Variants in CNTN6 observed in about 807,000 individuals in gnomAD.
The protein encoded by CNTN6 is contactin-6.
In CNTN6, 137 loss-of-function variants were observed where a neutral mutation model predicts 122.8. The observed-to-expected ratio is 1.12, with a 90% CI of 0.97 to 1.29. CNTN6 has a LOEUF of 1.29. Ranked by LOEUF, CNTN6 falls within the 50% of genes most tolerant of loss-of-function variation. The probability of loss-of-function intolerance (pLI) is 0.00; values close to 1 mark genes in which losing one functional copy is unlikely to be tolerated. For missense variants in CNTN6, 1,634 were observed against 1,223.4 expected, an observed-to-expected ratio of 1.34 and a Z score of -5.01; for synonymous variants, 570 against 426.0, an observed-to-expected ratio of 1.34 and a Z score of -4.16.
chr3:1,185,319 G>A (rs2093613267), intron 2 of CNTN6, among the ~76,000 whole-genome samples: 1 of 152,104 alleles, frequency 6.6e-6, no homozygotes, highest in South Asian at 2.1e-4. Flanking sequence ...TTCTTCCACA[G>A]TGAAATTGTT....
At chr3:1,263,050 T>A (rs935037742) in intron 4 of CNTN6, among the ~76,000 whole-genome samples, 1 of 152,138 alleles carries the variant, frequency 6.6e-6, no homozygotes, top group East Asian at 1.9e-4. Context: ...AAGTTACTTA[T>A]TTCATTTAAG....
chr3:1,106,744 C>G (rs2091242563), intron 1 of CNTN6, among the ~76,000 whole-genome samples: 1 of 152,068 alleles, frequency 6.6e-6, no homozygotes, highest in African/African-American at 2.4e-5. Flanking sequence ...TGAACTTTCC[C>G]TTTCACTTCA....
At chr3:1,285,866 A>G (rs896023810) in intron 5 of CNTN6, among the ~76,000 whole-genome samples, 4 of 152,206 alleles carry the variant, frequency 2.6e-5, no homozygotes, top group Admixed American at 2.0e-4. Flanking sequence ...ACTGGAGACT[A>G]TGTAAACAAC....
At chr3:1,276,440 G>T (rs1202785860) in intron 4 of CNTN6, among the ~76,000 whole-genome samples, 2 of 152,166 alleles carry the variant, frequency 1.3e-5, no homozygotes, top group Non-Finnish European at 2.9e-5. Context: ...TGTATTATTA[G>T]ATTATTTCCA....
intron 20 of CNTN6, among the ~76,000 whole-genome samples, chr3:1,391,257 A>G (rs1694099828): frequency 8.5e-6 from 1 of 117,376 alleles, no homozygotes; most frequent in African/African-American, 3.7e-5. Context: ...AATATACACA[A>G]ATCAATAAAT....
intron 5 of CNTN6, among the ~76,000 whole-genome samples, chr3:1,295,271 G>T (rs1300389954): frequency 6.6e-6 from 1 of 152,132 alleles, no homozygotes; most frequent in South Asian, 2.1e-4. Context: ...AAGGAATTCA[G>T]TGTACATTTG....
intron 7 of CNTN6, among the ~76,000 whole-genome samples, chr3:1,300,583 AAGAAAGAAAGAAAGAAAGAAAGAG>A (rs1217432322): frequency 2.2e-5 from 3 of 136,548 alleles, no homozygotes; most frequent in African/African-American, 1.0e-4. Flanking sequence ...GAAAGAAAGA[AAGAAAGAAAGAAAGAAAGAAAGAG>A]AGAAAGAAAG....
chr3:1,211,936 A>G (rs531296443), intron 2 of CNTN6, among the ~76,000 whole-genome samples: 1 of 152,188 alleles, frequency 6.6e-6, no homozygotes, highest in Non-Finnish European at 1.5e-5. Flanking sequence ...TCCACAGTTT[A>G]AGAGCTACTT....
At chr3:1,271,169 C>T (rs571772923) in intron 4 of CNTN6, among the ~76,000 whole-genome samples, 9 of 152,278 alleles carry the variant, frequency 5.9e-5, no homozygotes, top group African/African-American at 1.2e-4. Context: ...GGAGCCATGG[C>T]GCCTTGTCTA....
intron 7 of CNTN6, among the ~76,000 whole-genome samples, chr3:1,309,447 A>G (rs967080200): frequency 6.6e-6 from 1 of 152,164 alleles, no homozygotes. Flanking sequence ...GTATTTGTAT[A>G]GGTCTATTAC....
At chr3:1,156,389 T>C (rs2092962623) in intron 2 of CNTN6, among the ~76,000 whole-genome samples, 1 of 152,216 alleles carries the variant, frequency 6.6e-6, no homozygotes, top group Non-Finnish European at 1.5e-5. Context: ...TATATGCTCA[T>C]TCTGAGAAAT....
chr3:1,093,125 G>T lies in CNTN6; in HGVS notation c.-83+5G>T. On this transcript the variant is annotated splice_donor_5th_base_variant and intron_variant, in intron 1 of 22. Transcript: ENST00000446702. ...AGATCCCGAGACATTTCCCTGGTAA[G>T]ATCTGTAAGTACAAAATTGTGCTGT... The T allele has an allele frequency of 3.6e-6, 1 of 281,500 alleles. No homozygotes were observed. Among genetic ancestry groups the T allele is most frequent in the Non-Finnish European group, 7.1e-6 (1 of 141,382 alleles). The allele number at this position is 281,500 out of a possible 1,614,324, so 17.4% of individuals were successfully genotyped here.
At chr3:1,176,492 C>T (rs1269655741) in intron 2 of CNTN6, among the ~76,000 whole-genome samples, 2 of 152,090 alleles carry the variant, frequency 1.3e-5, no homozygotes, top group Non-Finnish European at 2.9e-5. Flanking sequence ...GAATGACTAG[C>T]ATGCAACGGT....
intron 1 of CNTN6, among the ~76,000 whole-genome samples, chr3:1,098,927 T>A (rs1251074904): frequency 6.7e-6 from 1 of 150,308 alleles, no homozygotes; most frequent in Non-Finnish European, 1.5e-5. Flanking sequence ...TCTTCAGTAT[T>A]CATAAAATGA....
intron 2 of CNTN6, among the ~76,000 whole-genome samples, chr3:1,159,331 G>A (rs997684858): frequency 2.0e-5 from 3 of 151,930 alleles, no homozygotes; most frequent in African/African-American, 7.3e-5. Flanking sequence ...CACAGCGGGG[G>A]TGCACTGGAC....
intron 2 of CNTN6, among the ~76,000 whole-genome samples, chr3:1,186,924 G>A (rs1324250481): frequency 6.6e-6 from 1 of 151,758 alleles, no homozygotes; most frequent in Admixed American, 6.6e-5. Context: ...AGATAGAAAG[G>A]AAGTCTTTCC....
intron 7 of CNTN6, among the ~76,000 whole-genome samples, chr3:1,307,159 C>G (rs963849176): frequency 6.6e-6 from 1 of 152,114 alleles, no homozygotes; most frequent in South Asian, 2.1e-4. Flanking sequence ...ATCACACATT[C>G]TCTTGGGATC....
chr3:1,113,102 A>G (rs1419824807), intron 1 of CNTN6, among the ~76,000 whole-genome samples: 2 of 152,116 alleles, frequency 1.3e-5, no homozygotes, highest in African/African-American at 4.8e-5. Flanking sequence ...TCTCTTGAGG[A>G]GTCTGACAAG....
chr3:1,132,300 T>C (rs1479696026), intron 1 of CNTN6, among the ~76,000 whole-genome samples: 1 of 152,150 alleles, frequency 6.6e-6, no homozygotes, highest in Admixed American at 6.6e-5. Flanking sequence ...TCATTTTACA[T>C]TTGGGAGGTC....
Sources: gnomAD v4.1 joint callset for allele counts (sites outside exome capture counted in the v4.1 genomes callset) on GRCh38, gnomAD v4.1.1 for gene constraint, MANE v1.5 for transcripts, NCBI Gene and HGNC (gene_info 2026-07-23, HGNC 2026-07-21) for gene names.